The following JAZF1 variants were observed in gnomAD, a reference collection of about 807,000 sequenced individuals.
JAZF1 encodes juxtaposed with another zinc finger protein 1.
JAZF1 carries 8 observed loss-of-function variants against 26.4 expected under a neutral mutation model. The ratio of observed to expected loss-of-function variants is 0.30; its 90% CI spans 0.18 to 0.55. The LOEUF (loss-of-function observed/expected upper bound fraction) is 0.55, where lower values mean the gene tolerates loss of function less well. Ranked by LOEUF, JAZF1 falls within the 20% of genes least tolerant of loss-of-function variation. The pLI is 0.94. For synonymous variants in JAZF1, 126 were observed against 122.3 expected (o/e 1.03, Z -0.20); for missense variants, 199 against 322.0 (o/e 0.62, Z 2.92).
intron 1 of JAZF1, among the ~76,000 whole-genome samples, chr7:28,166,404 T>C (rs1302397832): frequency 6.6e-6 from 1 of 152,222 alleles, no homozygotes; most frequent in Non-Finnish European, 1.5e-5. Flanking sequence ...GGACTATTAT[T>C]AAAGAGATGC....
chr7:28,050,899 C>T (rs1025398451), intron 1 of JAZF1, among the ~76,000 whole-genome samples: 1 of 151,874 alleles, frequency 6.6e-6, no homozygotes, highest in African/African-American at 2.4e-5. Context: ...TTTGGGAGGC[C>T]GAGGCGGGCG....
chr7:28,054,730 G>C lies in JAZF1; in HGVS notation c.116-62749C>G, dbSNP rs543901961. Reference sequence around the variant, plus strand: ...TATCCCACTTAAAAAGTTAACGCAGGAAGAGGTGCAGACGCTGGTAGACAC... The same window carrying C: ...TATCCCACTTAAAAAGTTAACGCAGCAAGAGGTGCAGACGCTGGTAGACAC... On this transcript the variant is annotated intron_variant, in intron 1 of 4. Coordinates refer to ENST00000283928, the MANE Select transcript of JAZF1 (RefSeq NM_175061.4). Among the ~76,000 whole-genome samples the C allele has an allele frequency of 6.6e-5, 10 of 152,190 alleles. No homozygotes were observed. In the East Asian group the frequency reaches 1.9e-3, roughly 29 times the overall value.
rs1562606908 is a variant in JAZF1 at position 28,158,205 on chromosome 7, G to GAGGGA, written c.115+22257_115+22258insTCCCT. 4.1e-4 allele frequency among the ~76,000 whole-genome samples: 37 copies of GAGGGA among 89,246 alleles called. 1 individual carries two copies. Among genetic ancestry groups the GAGGGA allele is most frequent in the African/African-American group, 1.6e-3 (36 of 22,424 alleles). The allele number at this position is 89,246 out of a possible 152,430, so 58.5% of individuals were successfully genotyped here. Reference sequence around the variant, plus strand: ...CACACACAGAGAGAGAGAGAGAGAGGGAGAGAGAGAGAGAGAGAGATACTT... The same window carrying GAGGGA: ...CACACACAGAGAGAGAGAGAGAGAGGAGGGAGAGAGAGAGAGAGAGAGAGATACTT... On this transcript the variant is annotated intron_variant, in intron 1 of 4. Coordinates refer to ENST00000283928, the MANE Select transcript of JAZF1 (RefSeq NM_175061.4).
At chr7:28,092,145 A>G (rs561820010) in intron 1 of JAZF1, among the ~76,000 whole-genome samples, 4 of 152,162 alleles carry the variant, frequency 2.6e-5, no homozygotes, top group African/African-American at 9.6e-5. Context: ...TTGTGTATAT[A>G]TGTAGACACT....
At chr7:27,929,566 T>C (rs1185607396) in intron 2 of JAZF1, among the ~76,000 whole-genome samples, 1 of 152,218 alleles carries the variant, frequency 6.6e-6, no homozygotes, top group East Asian at 1.9e-4. Context: ...CAGAAGTTTG[T>C]AGGTAGAAGA....
chr7:28,017,764 T>TTTG (rs966931204), intron 1 of JAZF1, among the ~76,000 whole-genome samples: 5 of 150,760 alleles, frequency 3.3e-5, no homozygotes, highest in Non-Finnish European at 4.4e-5. Flanking sequence ...CTTCTTTGTT[T>TTTG]TTGTTGTTGT....
chr7:28,156,897 G>C (rs1397308743), intron 1 of JAZF1, among the ~76,000 whole-genome samples: 1 of 152,072 alleles, frequency 6.6e-6, no homozygotes, highest in Non-Finnish European at 1.5e-5. Flanking sequence ...TGAATCAAAG[G>C]GCAGATAAAT....
intron 3 of JAZF1, among the ~76,000 whole-genome samples, chr7:27,855,793 A>T (rs1249331880): frequency 3.9e-5 from 6 of 152,190 alleles, no homozygotes. Flanking sequence ...TACAAAGAGG[A>T]TCTGGTACCA....
chr7:27,863,137 A>G (rs188366169), intron 3 of JAZF1, among the ~76,000 whole-genome samples: 9 of 152,348 alleles, frequency 5.9e-5, no homozygotes, highest in Admixed American at 5.9e-4. Flanking sequence ...ATGTGCTTCA[A>G]AATGTTATTT....
At chr7:28,049,613 C>T (rs1202971300) in intron 1 of JAZF1, among the ~76,000 whole-genome samples, 1 of 152,152 alleles carries the variant, frequency 6.6e-6, no homozygotes, top group Non-Finnish European at 1.5e-5. Context: ...ATTGAAAGCC[C>T]AGGTAGCTGC....
chr7:27,867,054 T>C (rs926488651), intron 3 of JAZF1, among the ~76,000 whole-genome samples: 15 of 152,192 alleles, frequency 9.9e-5, no homozygotes, highest in African/African-American at 3.6e-4. Flanking sequence ...GTGTCTGCAC[T>C]GCGGCAGCCC....
chr7:27,924,844 G>GT, intron 2 of JAZF1, among the ~76,000 whole-genome samples: 1 of 152,328 alleles, frequency 6.6e-6, no homozygotes, highest in Admixed American at 6.5e-5. Flanking sequence ...TAAGACAATG[G>GT]TGAGTTAGTT....
chr7:28,102,931 T>C (rs932043042), intron 1 of JAZF1, among the ~76,000 whole-genome samples: 2 of 152,214 alleles, frequency 1.3e-5, no homozygotes, highest in Non-Finnish European at 1.5e-5. Context: ...AGGACTCTCA[T>C]GGCAGAGAGA....
intron 3 of JAZF1, among the ~76,000 whole-genome samples, chr7:27,869,100 G>C (rs1170393412): frequency 2.0e-5 from 3 of 152,192 alleles, no homozygotes; most frequent in African/African-American, 7.2e-5. Flanking sequence ...AAAATGTCTT[G>C]TGGAACAGAA....
intron 1 of JAZF1, among the ~76,000 whole-genome samples, chr7:28,125,146 C>CTT (rs35830575): frequency 0.013 from 1,759 of 136,058 alleles, 32 homozygotes; most frequent in African/African-American, 0.022. Flanking sequence ...GGGAAGATTG[C>CTT]TTTTTTTTTT....
chr7:27,848,664 C>T (rs934796951), intron 3 of JAZF1, among the ~76,000 whole-genome samples: 8 of 152,124 alleles, frequency 5.3e-5, no homozygotes, highest in Non-Finnish European at 7.4e-5. Flanking sequence ...TGAAGTGCCA[C>T]GGTTTTGAGG....
intron 1 of JAZF1, among the ~76,000 whole-genome samples, chr7:28,050,512 G>C (rs1783594557): frequency 6.6e-6 from 1 of 151,420 alleles, no homozygotes; most frequent in Non-Finnish European, 1.5e-5. Context: ...AACAACAACA[G>C]TTATAAAGAA....
rs369436265 is a variant in JAZF1 at position 27,894,545 on chromosome 7, TGA to T, written c.385+673_385+674del. ...AGGCGAGGACCTGGAGGAGAGCAGA[TGA>T]GAGTGCTGGAGTAGTGCACATCCAC... On this transcript the variant is annotated intron_variant, in intron 3 of 4. Coordinates refer to ENST00000283928, the MANE Select transcript of JAZF1 (RefSeq NM_175061.4). Among the ~76,000 whole-genome samples, 698 of 152,288 alleles carry T rather than the reference TGA, an allele frequency of 4.6e-3. 4 individuals are homozygous for T. The highest frequency in any genetic ancestry group is 0.015 in the African/African-American group (632 of 41,552).
chr7:28,009,307 GC>G (rs529803653), intron 1 of JAZF1, among the ~76,000 whole-genome samples: 10 of 151,442 alleles, frequency 6.6e-5, no homozygotes, highest in African/African-American at 2.4e-4. Flanking sequence ...CCTCCCTTCA[GC>G]CCACACCTTC....
Sources: gnomAD v4.1 joint callset for allele counts (sites outside exome capture counted in the v4.1 genomes callset) on GRCh38, gnomAD v4.1.1 for gene constraint, MANE v1.5 for transcripts, NCBI Gene and HGNC (gene_info 2026-07-23, HGNC 2026-07-21) for gene names.